Variants in OSBPL1A observed in about 807,000 individuals in gnomAD.
The protein encoded by OSBPL1A is oxysterol binding protein like 1A.
OSBPL1A carries 80 observed loss-of-function variants against 137.1 expected under a neutral mutation model. The observed-to-expected ratio is 0.58, with a 90% CI of 0.49 to 0.70. The LOEUF is 0.70. Among genes scored for constraint, OSBPL1A ranks in the 30% least tolerant of loss-of-function variants. The pLI is 0.00. For synonymous variants in OSBPL1A, 365 were observed against 389.7 expected, an observed-to-expected ratio of 0.94 and a Z score of 0.75; for missense variants, 970 against 1,129.4, an observed-to-expected ratio of 0.86 and a Z score of 2.02.
chr18:24,357,563 G>C (rs999531196), intron 4 of OSBPL1A: 4 of 152,134 alleles, frequency 2.6e-5, no homozygotes, highest in Non-Finnish European at 4.4e-5. Flanking sequence ...GAACCAAAAG[G>C]GGGAGGCAGG....
intron 11 of OSBPL1A, among the ~76,000 whole-genome samples, chr18:24,315,554 TTAA>T (rs1369094053): frequency 7.1e-6 from 1 of 140,148 alleles, no homozygotes; most frequent in Non-Finnish European, 1.5e-5. Context: ...ATTCATAATA[TTAA>T]TAATATTATG....
chr18:24,267,372 C>A (rs2089605361), intron 15 of OSBPL1A, among the ~76,000 whole-genome samples: 1 of 151,794 alleles, frequency 6.6e-6, no homozygotes, highest in African/African-American at 2.4e-5. Context: ...AAGGAACAGA[C>A]CATTTCAATT....
chr18:24,365,149 A>G (rs2091685277), intron 4 of OSBPL1A, among the ~76,000 whole-genome samples: 1 of 152,226 alleles, frequency 6.6e-6, no homozygotes, highest in Admixed American at 6.5e-5. Flanking sequence ...AACAGATAAC[A>G]AAAGATGGTG....
chr18:24,257,649 G>C (rs2089323392), intron 15 of OSBPL1A, among the ~76,000 whole-genome samples: 2 of 152,068 alleles, frequency 1.3e-5, no homozygotes, highest in Non-Finnish European at 1.5e-5. Context: ...AAGTTAAAAA[G>C]CTTCTGCACA....
intron 14 of OSBPL1A, among the ~76,000 whole-genome samples, chr18:24,300,085 T>TAAA (rs1568010667): frequency 3.3e-5 from 5 of 152,220 alleles, no homozygotes; most frequent in Admixed American, 1.3e-4. Context: ...ACCAGGCTTT[T>TAAA]GATAAAGATA....
At chr18:24,372,249 G>A (rs1385920700) in intron 2 of OSBPL1A, among the ~76,000 whole-genome samples, 2 of 151,016 alleles carry the variant, frequency 1.3e-5, no homozygotes, top group Non-Finnish European at 3.0e-5. Flanking sequence ...CACTACAGCC[G>A]GAGTGACAGA....
At chr18:24,303,267 C>T (rs2090437998) in intron 14 of OSBPL1A, among the ~76,000 whole-genome samples, 1 of 152,174 alleles carries the variant, frequency 6.6e-6, no homozygotes, top group Admixed American at 6.5e-5. Context: ...TCACAAAGTA[C>T]TGGGATTACA....
chr18:24,267,504 T>C (rs275879), intron 15 of OSBPL1A, among the ~76,000 whole-genome samples: 13,356 of 152,144 alleles, frequency 0.088, 1,048 homozygotes, highest in African/African-American at 0.21. Context: ...ATCTTACTTA[T>C]AAACATACAT....
At chr18:24,174,421 A>G (rs2086371401) in intron 21 of OSBPL1A, among the ~76,000 whole-genome samples, 1 of 152,182 alleles carries the variant, frequency 6.6e-6, no homozygotes, top group Non-Finnish European at 1.5e-5. Flanking sequence ...AAACTTTTTG[A>G]GCACTGACAT....
At chr18:24,244,638 A>G (rs1015918901) in intron 15 of OSBPL1A, among the ~76,000 whole-genome samples, 1 of 152,216 alleles carries the variant, frequency 6.6e-6, no homozygotes. Flanking sequence ...CTTTCCAGTA[A>G]TCTGTCTCCT....
At chr18:24,351,556 T>G (rs1474175838) in intron 4 of OSBPL1A, among the ~76,000 whole-genome samples, 2 of 150,538 alleles carry the variant, frequency 1.3e-5, no homozygotes, top group Non-Finnish European at 3.0e-5. Context: ...TTGTTTGTTT[T>G]GAGATAGAGT....
At chr18:24,348,287 CAAGTA>C (rs2091381230) in intron 4 of OSBPL1A, among the ~76,000 whole-genome samples, 1 of 151,926 alleles carries the variant, frequency 6.6e-6, no homozygotes, top group South Asian at 2.1e-4. Context: ...CAATTATTTC[CAAGTA>C]AATATAATAA....
At chr18:24,185,328 C>CTT (rs200202342) in intron 18 of OSBPL1A, among the ~76,000 whole-genome samples, 34 of 139,908 alleles carry the variant, frequency 2.4e-4, no homozygotes, top group African/African-American at 3.1e-4. Flanking sequence ...ATTCTTTTTT[C>CTT]TTTTTTTTTT....
intron 4 of OSBPL1A, among the ~76,000 whole-genome samples, chr18:24,361,996 CAAAA>C (rs200189504): frequency 7.7e-5 from 4 of 52,186 alleles, no homozygotes; most frequent in African/African-American, 1.9e-4. Flanking sequence ...GACTCCATCT[CAAAA>C]AAAAAAAAAA....
In OSBPL1A at chr18:24,219,464, T is replaced by C. The variant is rs572944837; in HGVS notation, c.1601+5578A>G. Among the ~76,000 whole-genome samples, 6 of 152,328 alleles carry C rather than the reference T, an allele frequency of 3.9e-5. No individual in the cohort carries two copies. The South Asian group carries it at 1.2e-3, about 32-fold the overall frequency. On this transcript the variant is annotated intron_variant, in intron 17 of 27. Coordinates refer to ENST00000319481, the MANE Select transcript of OSBPL1A (RefSeq NM_080597.4). ...ATAAAAAGTTTTAGAAATGGGATTA[T>C]TCATCTGAAAATATTTTTTATTTCT...
intron 26 of OSBPL1A, among the ~76,000 whole-genome samples, chr18:24,166,299 G>A (rs1223385779): frequency 6.6e-6 from 1 of 152,152 alleles, no homozygotes; most frequent in Non-Finnish European, 1.5e-5. Flanking sequence ...TTCTGAAGTA[G>A]ACAGTGACTT....
chr18:24,183,086 G>A (rs922760411), intron 18 of OSBPL1A, among the ~76,000 whole-genome samples: 22 of 151,992 alleles, frequency 1.4e-4, no homozygotes, highest in Admixed American at 6.6e-4. Flanking sequence ...GGTCAGGCTG[G>A]TCTCGAACTC....
intron 14 of OSBPL1A, among the ~76,000 whole-genome samples, chr18:24,284,773 C>CTGAA (rs148848832): frequency 0.024 from 3,669 of 152,258 alleles, 138 homozygotes; most frequent in African/African-American, 0.084. Flanking sequence ...ATGTTGAATG[C>CTGAA]TGAATATTGA....
At chr18:24,216,756 T>TA (rs2087713909) in intron 17 of OSBPL1A, among the ~76,000 whole-genome samples, 1 of 152,120 alleles carries the variant, frequency 6.6e-6, no homozygotes. Context: ...GTTCATCGGT[T>TA]ATTTTTTTTT....
Sources: gnomAD v4.1 joint callset for allele counts (sites outside exome capture counted in the v4.1 genomes callset) on GRCh38, gnomAD v4.1.1 for gene constraint, MANE v1.5 for transcripts, NCBI Gene and HGNC (gene_info 2026-07-23, HGNC 2026-07-21) for gene names.